TMEM272: variants seen among roughly 807,000 people sequenced by gnomAD.
TMEM272 encodes the protein transmembrane protein 272.
In TMEM272, 8 loss-of-function variants were observed where a neutral mutation model predicts 3.7. The ratio of observed to expected loss-of-function variants is 2.17; its 90% CI spans 1.27 to 3.91. The LOEUF (loss-of-function observed/expected upper bound fraction) is 3.91, where lower values mean the gene tolerates loss of function less well. Among genes scored for constraint, TMEM272 ranks in the 30% most tolerant of loss-of-function variants. The pLI, the probability that TMEM272 is intolerant of heterozygous loss-of-function variation, is 0.00. For synonymous variants in TMEM272, 63 were observed against 39.8 expected, an observed-to-expected ratio of 1.58 and a Z score of -2.20; for missense variants, 166 against 91.5, an observed-to-expected ratio of 1.81 and a Z score of -3.32.
chr13:51,848,976 T>C (rs762740030), upstream of TMEM272, among the ~76,000 whole-genome samples: 11 of 152,204 alleles, frequency 7.2e-5, no homozygotes, highest in Admixed American at 1.3e-4. Flanking sequence ...TTACCATCTA[T>C]TCATCCTGAC....
At chr13:51,823,837 C>G (rs1956100707) in intron 3 of TMEM272, among the ~76,000 whole-genome samples, 1 of 152,196 alleles carries the variant, frequency 6.6e-6, no homozygotes, top group Non-Finnish European at 1.5e-5. Context: ...TCTAGGTATA[C>G]AGAGAGCCAT....
At chr13:51,867,427 C>T in the TMEM272 span, among the ~76,000 whole-genome samples, 1 of 152,142 alleles carries the variant, frequency 6.6e-6, no homozygotes, top group Non-Finnish European at 1.5e-5. Flanking sequence ...ATAGTGGTGT[C>T]AATACTGGGA....
At chr13:51,897,362 ATTTTTTTTTTTTTTTTTT>A in the TMEM272 span, among the ~76,000 whole-genome samples, 8,818 of 82,982 alleles carry the variant, frequency 0.11, 716 homozygotes, top group African/African-American at 0.27. Flanking sequence ...TGTCTGGCTA[ATTTTTTTTTTTTTTTTTT>A]TTTTTTTTTT....
the TMEM272 span, among the ~76,000 whole-genome samples, chr13:51,926,304 G>A: frequency 8.5e-5 from 13 of 152,146 alleles, no homozygotes; most frequent in Non-Finnish European, 1.9e-4. Context: ...CCTCCTTGCT[G>A]TGGCTTTTCT....
the TMEM272 span, chr13:51,865,468 G>A: frequency 5.2e-5 from 84 of 1,614,040 alleles, no homozygotes; most frequent in African/African-American, 2.1e-4. Context: ...GGTCCCTGGC[G>A]GCATCCTCTC....
chr13:51,837,493 G>A (rs1956225577), intron 2 of TMEM272, among the ~76,000 whole-genome samples: 1 of 152,184 alleles, frequency 6.6e-6, no homozygotes, highest in Admixed American at 6.5e-5. Flanking sequence ...GGCCCTTAGA[G>A]CTGTCCCTGG....
At chr13:51,827,243 T>C (rs1199581299) in intron 2 of TMEM272, among the ~76,000 whole-genome samples, 1 of 152,122 alleles carries the variant, frequency 6.6e-6, no homozygotes, top group Admixed American at 6.5e-5. Flanking sequence ...CTTTTAGACA[T>C]TGGGAAAGAA....
At chr13:51,843,744 G>T (rs897083968) in intron 1 of TMEM272, among the ~76,000 whole-genome samples, 12 of 152,228 alleles carry the variant, frequency 7.9e-5, no homozygotes, top group African/African-American at 2.9e-4. Flanking sequence ...ATAGGACTGT[G>T]TGTCTCACAC....
chr13:51,883,007 T>C, the TMEM272 span, among the ~76,000 whole-genome samples: 1 of 152,174 alleles, frequency 6.6e-6, no homozygotes, highest in African/African-American at 2.4e-5. Flanking sequence ...CTGGACTGGG[T>C]GTGCCACGAG....
chr13:51,860,446 C>A, the TMEM272 span, among the ~76,000 whole-genome samples: 8 of 151,970 alleles, frequency 5.3e-5, no homozygotes, highest in Admixed American at 2.6e-4. Context: ...TGAGGCCAGC[C>A]TGGGCAACAT....
intron 2 of TMEM272, among the ~76,000 whole-genome samples, chr13:51,831,562 C>G (rs1956173490): frequency 6.6e-6 from 1 of 152,236 alleles, no homozygotes; most frequent in African/African-American, 2.4e-5. Context: ...GTAGGATCCA[C>G]TGGGATGGAA....
chr13:51,909,307 G>A, the TMEM272 span: 1 of 950,934 alleles, frequency 1.1e-6, no homozygotes. Flanking sequence ...GTTCTCTCAA[G>A]TTCTTCTTCA....
the TMEM272 span, among the ~76,000 whole-genome samples, chr13:51,871,790 ACACACACACAC>A: frequency 2.3e-4 from 1 of 4,384 alleles, no homozygotes; most frequent in Non-Finnish European, 8.3e-4. Flanking sequence ...CCCCCTACAC[ACACACACACAC>A]ACACACACAC....
chr13:51,832,543 C>T (rs1593595873), intron 2 of TMEM272, among the ~76,000 whole-genome samples: 2 of 152,122 alleles, frequency 1.3e-5, no homozygotes, highest in South Asian at 4.1e-4. Context: ...AAACTAAACT[C>T]CTCTTTCCAA....
chr13:51,840,136 TG>T (rs531172006), intron 1 of TMEM272, among the ~76,000 whole-genome samples: 216 of 152,194 alleles, frequency 1.4e-3, no homozygotes, highest in African/African-American at 4.9e-3. Context: ...GTGGTAGAAC[TG>T]GGGTTTGAAA....
chr13:51,821,688 GCAAAAAAAAAAAAAGCA>G (rs1385009549), intron 4 of TMEM272, among the ~76,000 whole-genome samples: 1 of 131,252 alleles, frequency 7.6e-6, no homozygotes, highest in Middle Eastern at 3.7e-3. Context: ...AAAAAAAAAA[GCAAAAAAAAAAAAAGCA>G]GCAGCAGCAG....
At chr13:51,917,716 C>A in the TMEM272 span, among the ~76,000 whole-genome samples, 1 of 152,196 alleles carries the variant, frequency 6.6e-6, no homozygotes, top group South Asian at 2.1e-4. Flanking sequence ...TCTGAGTTCA[C>A]GTTTCTGAGC....
At chr13:51,879,784 T>A in the TMEM272 span, among the ~76,000 whole-genome samples, 1,150 of 152,268 alleles carry the variant, frequency 7.6e-3, 8 homozygotes, top group African/African-American at 0.024. Context: ...AGTGGGAGGA[T>A]AAGACTTAAT....
the TMEM272 span, among the ~76,000 whole-genome samples, chr13:51,857,075 A>C: frequency 2.6e-5 from 4 of 152,332 alleles, no homozygotes; most frequent in African/African-American, 9.6e-5. Context: ...TGATTTTGTT[A>C]TCAATTGTTT....
Sources: gnomAD v4.1 joint callset for allele counts (sites outside exome capture counted in the v4.1 genomes callset) on GRCh38, gnomAD v4.1.1 for gene constraint, MANE v1.5 for transcripts, NCBI Gene and HGNC (gene_info 2026-07-23, HGNC 2026-07-21) for gene names.